Variants in NSMCE2 observed in about 807,000 individuals in gnomAD.
The protein encoded by NSMCE2 is NSE2 SUMO ligase component of SMC5/6 complex.
In NSMCE2, 24 loss-of-function variants were observed where a neutral mutation model predicts 23.8. The ratio of observed to expected loss-of-function variants is 1.01; its 90% confidence interval spans 0.73 to 1.42. The LOEUF is 1.42. Among genes scored for constraint, NSMCE2 ranks in the 40% most tolerant of loss-of-function variants. The probability of loss-of-function intolerance (pLI) is 0.00; values close to 1 mark genes in which losing one functional copy is unlikely to be tolerated. For synonymous variants in NSMCE2, 92 were observed against 94.1 expected, an observed-to-expected ratio of 0.98 and a Z score of 0.13; for missense variants, 284 against 296.5, an observed-to-expected ratio of 0.96 and a Z score of 0.31.
intron 5 of NSMCE2, among the ~76,000 whole-genome samples, chr8:125,240,747 A>T (rs1386188980): frequency 6.6e-6 from 1 of 152,008 alleles, no homozygotes; most frequent in African/African-American, 2.4e-5. Flanking sequence ...TGCACTTAGC[A>T]TATTCCTGTC....
chr8:125,273,017 G>T (rs1827292639), intron 5 of NSMCE2, among the ~76,000 whole-genome samples: 1 of 152,098 alleles, frequency 6.6e-6, no homozygotes, highest in Non-Finnish European at 1.5e-5. Flanking sequence ...GTGTGGAAAG[G>T]ATTAGATCTT....
chr8:125,137,857 T>C (rs961127684), intron 3 of NSMCE2, among the ~76,000 whole-genome samples: 2 of 152,220 alleles, frequency 1.3e-5, no homozygotes, highest in African/African-American at 4.8e-5. Flanking sequence ...TAATGTCTTC[T>C]TCACAGAGCT....
In NSMCE2 at chr8:125,303,707, CA is replaced by C. The variant is rs555026598; in HGVS notation, c.419-53511del. Among the ~76,000 whole-genome samples, 124 of 152,194 alleles carry C rather than the reference CA, an allele frequency of 8.1e-4. 2 individuals are homozygous for C. The highest frequency in any genetic ancestry group is 1.9e-3 in the South Asian group (9 of 4,826). On this transcript the variant is annotated intron_variant, in intron 5 of 7. Coordinates refer to ENST00000287437, the MANE Select transcript of NSMCE2 (RefSeq NM_173685.4). ...TACTCAACAAAAATGGAGAGTAAAA[CA>C]GAGAGGAAATTTAAATAGTACAGGT...
At chr8:125,296,806 A>C (rs560250904) in intron 5 of NSMCE2, among the ~76,000 whole-genome samples, 1 of 152,342 alleles carries the variant, frequency 6.6e-6, no homozygotes, top group East Asian at 1.9e-4. Context: ...AAGGCTGGGC[A>C]TTCCTGCAGG....
intron 5 of NSMCE2, among the ~76,000 whole-genome samples, chr8:125,260,615 T>TTTTA (rs1447889361): frequency 1.7e-4 from 25 of 150,412 alleles, no homozygotes; most frequent in African/African-American, 5.1e-4. Flanking sequence ...CCTAATTTCA[T>TTTTA]TTCATTTATT....
chr8:125,141,072 G>A, intron 3 of NSMCE2, among the ~76,000 whole-genome samples: 1 of 152,130 alleles, frequency 6.6e-6, no homozygotes, highest in East Asian at 1.9e-4. Context: ...TTGATGGCTG[G>A]CAAAGATTGA....
intron 5 of NSMCE2, among the ~76,000 whole-genome samples, chr8:125,206,453 T>A (rs1278196441): frequency 3.3e-5 from 5 of 152,192 alleles, no homozygotes; most frequent in African/African-American, 1.2e-4. Flanking sequence ...AGAGATCTTG[T>A]TACAGGGGTT....
chr8:125,246,109 A>G (rs1426758311), intron 5 of NSMCE2, among the ~76,000 whole-genome samples: 2 of 152,122 alleles, frequency 1.3e-5, no homozygotes, highest in African/African-American at 2.4e-5. Context: ...GAAAAGTAAT[A>G]TTTTTAACTC....
chr8:125,212,400 G>A (rs1460567215), intron 5 of NSMCE2, among the ~76,000 whole-genome samples: 1 of 152,130 alleles, frequency 6.6e-6, no homozygotes, highest in African/African-American at 2.4e-5. Flanking sequence ...TGAGTTTAAA[G>A]TATGACCTCC....
At chr8:125,243,565 G>C (rs1825840316) in intron 5 of NSMCE2, among the ~76,000 whole-genome samples, 1 of 151,726 alleles carries the variant, frequency 6.6e-6, no homozygotes, top group African/African-American at 2.4e-5. Context: ...TGATTGTGTT[G>C]ATAAAATCAA....
chr8:125,330,950 G>A (rs959572002), intron 5 of NSMCE2, among the ~76,000 whole-genome samples: 1 of 152,098 alleles, frequency 6.6e-6, no homozygotes, highest in Non-Finnish European at 1.5e-5. Flanking sequence ...TTAGATTTTT[G>A]TGTTACCACC....
At chr8:125,282,249 G>A (rs1215764043) in intron 5 of NSMCE2, among the ~76,000 whole-genome samples, 2 of 151,986 alleles carry the variant, frequency 1.3e-5, no homozygotes, top group Non-Finnish European at 2.9e-5. Context: ...AAGTAGCTGG[G>A]ATTACAGGCG....
chr8:125,215,056 TATA>T, intron 5 of NSMCE2, among the ~76,000 whole-genome samples: 1 of 141,316 alleles, frequency 7.1e-6, no homozygotes, highest in Middle Eastern at 3.6e-3. Context: ...TTATTATTAT[TATA>T]CTTTAAGTTT....
At chr8:125,312,091 AAAG>A (rs1828995392) in intron 5 of NSMCE2, among the ~76,000 whole-genome samples, 2 of 127,634 alleles carry the variant, frequency 1.6e-5, no homozygotes, top group African/African-American at 2.5e-5. Context: ...AAAAAAAAAA[AAAG>A]AAAGAAAAGA....
intron 3 of NSMCE2, among the ~76,000 whole-genome samples, chr8:125,128,638 G>T (rs1434793238): frequency 6.6e-6 from 1 of 152,312 alleles, no homozygotes; most frequent in East Asian, 1.9e-4. Flanking sequence ...GCAAAGTGTG[G>T]CAGGGCCATG....
At chr8:125,321,251 A>G (rs759350888) in intron 5 of NSMCE2, among the ~76,000 whole-genome samples, 1 of 152,246 alleles carries the variant, frequency 6.6e-6, no homozygotes, top group Non-Finnish European at 1.5e-5. Context: ...CTACATGAAT[A>G]CACACAGGAT....
At chr8:125,237,945 C>T (rs914001689) in intron 5 of NSMCE2, among the ~76,000 whole-genome samples, 7 of 152,180 alleles carry the variant, frequency 4.6e-5, no homozygotes, top group Admixed American at 2.6e-4. Flanking sequence ...TACCCCATGA[C>T]AGTTGACCTC....
intron 4 of NSMCE2, among the ~76,000 whole-genome samples, chr8:125,165,198 G>A (rs1821813381): frequency 6.6e-6 from 1 of 152,212 alleles, no homozygotes; most frequent in Non-Finnish European, 1.5e-5. Context: ...TCATAGGGCT[G>A]TGGCAAGGAT....
rs535418043 is a variant in NSMCE2, at chr8:125,091,975, G to A, written c.-111+17G>A. 43 of 152,574 alleles carry A rather than the reference G, an allele frequency of 2.8e-4. No homozygotes were observed. Among genetic ancestry groups the A allele is most frequent in the Middle Eastern group, 3.4e-3 (1 of 296 alleles). The allele number at this position is 152,574 out of a possible 1,614,324, so 9.5% of individuals were successfully genotyped here. ...GACTACCAGGTAGGGAAGAAGCGGG[G>A]GACGGCAATGGGGAGGGTGGCAGGA... On this transcript the variant is annotated intron_variant, in intron 1 of 7. Transcript: ENST00000287437.
Sources: allele counts gnomAD v4.1 joint callset (sites outside exome capture counted in the v4.1 genomes callset), GRCh38; gene constraint gnomAD v4.1.1; transcripts MANE v1.5; gene names NCBI Gene and HGNC (gene_info 2026-07-23, HGNC 2026-07-21).